Variants in PPP3CC observed in about 807,000 individuals in gnomAD.
PPP3CC encodes protein phosphatase 3 catalytic subunit gamma.
PPP3CC carries 35 observed loss-of-function variants against 60.3 expected under a neutral mutation model. The observed-to-expected ratio is 0.58, with a 90% CI of 0.44 to 0.77. The LOEUF (loss-of-function observed/expected upper bound fraction) is 0.77, where lower values mean the gene tolerates loss of function less well. PPP3CC is among the 30% of genes least tolerant of loss of function. The pLI, the probability that PPP3CC is intolerant of heterozygous loss-of-function variation, is 0.00. For missense variants in PPP3CC, 570 were observed against 628.9 expected, an observed-to-expected ratio of 0.91 and a Z score of 1.00; for synonymous variants, 206 against 224.3, an observed-to-expected ratio of 0.92 and a Z score of 0.73.
intron 1 of PPP3CC, among the ~76,000 whole-genome samples, chr8:22,441,969 TTA>T (rs1293476399): frequency 1.3e-5 from 2 of 152,186 alleles, no homozygotes; most frequent in East Asian, 3.8e-4. Context: ...GATAAATCCA[TTA>T]TATGATGTTT....
chr8:22,451,134 C>G (rs1352944168), intron 1 of PPP3CC, among the ~76,000 whole-genome samples: 1 of 148,328 alleles, frequency 6.7e-6, no homozygotes, highest in South Asian at 2.2e-4. Flanking sequence ...CCACCGCACC[C>G]GGCCCATTTA....
At chr8:22,495,602 A>T (rs962428213) in intron 3 of PPP3CC, among the ~76,000 whole-genome samples, 11 of 152,020 alleles carry the variant, frequency 7.2e-5, no homozygotes, top group Admixed American at 4.6e-4. Context: ...GTTTCTCTCC[A>T]GGCTGGAGTG....
chr8:22,495,408 A>C (rs529836402), intron 3 of PPP3CC, among the ~76,000 whole-genome samples: 1 of 152,208 alleles, frequency 6.6e-6, no homozygotes, highest in South Asian at 2.1e-4. Flanking sequence ...TTACTATTAC[A>C]CACATGCTAC....
intron 1 of PPP3CC, among the ~76,000 whole-genome samples, chr8:22,464,685 G>A (rs1272217189): frequency 2.0e-5 from 3 of 152,110 alleles, no homozygotes; most frequent in South Asian, 4.1e-4. Context: ...ATCATACCTG[G>A]ACTACTTTTT....
In PPP3CC at chr8:22,462,639, C is replaced by T. The variant is rs963380920; in HGVS notation, c.50-12315C>T. ...AGGCTGGAGTGCGGTGGCACGATCT[C>T]GGCTCACTGCAAGCTCCGCCTCCTG... On this transcript the variant is annotated intron_variant, in intron 1 of 13. Coordinates refer to ENST00000240139, the MANE Select transcript of PPP3CC (RefSeq NM_005605.5). Among the ~76,000 whole-genome samples the T allele has an allele frequency of 4.0e-5, 6 of 151,224 alleles. No individual in the cohort carries two copies. In the South Asian group the frequency reaches 6.3e-4, roughly 16 times the overall value.
chr8:22,505,588 A>G (rs866442688), intron 4 of PPP3CC, among the ~76,000 whole-genome samples: 25 of 152,310 alleles, frequency 1.6e-4, no homozygotes, highest in African/African-American at 5.5e-4. Flanking sequence ...GCAAAATTTT[A>G]CCTTTACTCT....
intron 8 of PPP3CC, among the ~76,000 whole-genome samples, chr8:22,526,311 C>G (rs913017353): frequency 6.6e-6 from 1 of 152,184 alleles, no homozygotes; most frequent in Non-Finnish European, 1.5e-5. Flanking sequence ...CAGTCATTCA[C>G]TGTTGAGACT....
chr8:22,478,595 C>T (rs60412367), intron 3 of PPP3CC, among the ~76,000 whole-genome samples: 2,931 of 152,252 alleles, frequency 0.019, 58 homozygotes, highest in East Asian at 0.084. Flanking sequence ...TGTGCACAGA[C>T]ATCATGTTCA....
intron 6 of PPP3CC, among the ~76,000 whole-genome samples, chr8:22,515,197 C>T (rs79051760): frequency 6.6e-6 from 1 of 152,064 alleles, no homozygotes. Flanking sequence ...ATTTTTAGCT[C>T]CTACAAATAA....
chr8:22,468,751 C>T (rs572296061), intron 1 of PPP3CC, among the ~76,000 whole-genome samples: 7 of 152,222 alleles, frequency 4.6e-5, no homozygotes, highest in Admixed American at 6.5e-5. Context: ...GCATTGGTGA[C>T]GGGCCATTTT....
intron 3 of PPP3CC, among the ~76,000 whole-genome samples, chr8:22,482,541 A>G (rs1168430456): frequency 6.6e-6 from 1 of 152,190 alleles, no homozygotes; most frequent in Admixed American, 6.5e-5. Flanking sequence ...TAGCTTAATT[A>G]GATTCCATTT....
At chr8:22,538,876 T>C (rs1440692621) in intron 12 of PPP3CC, among the ~76,000 whole-genome samples, 1 of 152,228 alleles carries the variant, frequency 6.6e-6, no homozygotes, top group Non-Finnish European at 1.5e-5. Flanking sequence ...TCAATAGTTC[T>C]ATGCTTTTGT....
intron 1 of PPP3CC, among the ~76,000 whole-genome samples, chr8:22,443,519 T>TAA (rs5890033): frequency 1.2e-4 from 12 of 103,656 alleles, no homozygotes; most frequent in South Asian, 3.1e-4. Flanking sequence ...AAACTCTCTC[T>TAA]AAAAAAAAAA....
intron 1 of PPP3CC, among the ~76,000 whole-genome samples, chr8:22,470,623 A>G (rs1260634594): frequency 6.6e-6 from 1 of 152,216 alleles, no homozygotes; most frequent in Non-Finnish European, 1.5e-5. Flanking sequence ...CACATCCCCA[A>G]AGAAGATATT....
chr8:22,493,088 T>A (rs1838456588), intron 3 of PPP3CC: 1 of 1,555,848 alleles, frequency 6.4e-7, no homozygotes, highest in Admixed American at 1.7e-5. Flanking sequence ...AGAATTTTGA[T>A]GAGGCTTCCA....
chr8:22,463,611 A>T (rs527602660), intron 1 of PPP3CC, among the ~76,000 whole-genome samples: 1 of 152,212 alleles, frequency 6.6e-6, no homozygotes, highest in African/African-American at 2.4e-5. Context: ...GTCACTGATT[A>T]TCCTAGAAGT....
In PPP3CC at chr8:22,525,759, T is replaced by G. The variant is rs549377310; in HGVS notation, c.944-1633T>G. 8.6e-5 allele frequency among the ~76,000 whole-genome samples: 13 copies of G among 151,952 alleles called. No homozygotes were observed. The South Asian group carries it at 2.7e-3, about 32-fold the overall frequency. ...ATTTTTTATAGAGATAGGGTCTCGT[T>G]ATGTTGCCCAGACTGGTCTCAAACT... On this transcript the variant is annotated intron_variant, in intron 8 of 13. Transcript: ENST00000240139.
intron 12 of PPP3CC, among the ~76,000 whole-genome samples, chr8:22,538,877 A>G (rs879663805): frequency 6.6e-6 from 1 of 152,128 alleles, no homozygotes; most frequent in Non-Finnish European, 1.5e-5. Context: ...CAATAGTTCT[A>G]TGCTTTTGTT....
Position 22,490,933 on chromosome 8 carries a change from T to C in PPP3CC, c.373-7068T>C, listed in dbSNP as rs557913953. On this transcript the variant is annotated intron_variant, in intron 3 of 13. Coordinates refer to ENST00000240139, the MANE Select transcript of PPP3CC (RefSeq NM_005605.5). ...AAACATATGTGTGCATGTGTCTTTA[T>C]AGCAGCATGACTTATAATCCTTTGG... 1.2e-4 allele frequency among the ~76,000 whole-genome samples: 18 copies of C among 152,322 alleles called. No homozygotes were observed. In the South Asian group the frequency reaches 3.3e-3, roughly 28 times the overall value.
Sources: allele counts gnomAD v4.1 joint callset (sites outside exome capture counted in the v4.1 genomes callset), GRCh38; gene constraint gnomAD v4.1.1; transcripts MANE v1.5; gene names NCBI Gene and HGNC (gene_info 2026-07-23, HGNC 2026-07-21).